BRD8: variants seen among roughly 807,000 people sequenced by gnomAD.
The protein encoded by BRD8 is bromodomain containing 8.
BRD8 carries 67 observed loss-of-function variants against 143.1 expected under a neutral mutation model. That is an observed-to-expected ratio of 0.47 (90% CI 0.38 to 0.57). The LOEUF is 0.57. Ranked by LOEUF, BRD8 falls within the 20% of genes least tolerant of loss-of-function variation. The pLI is 0.00. For synonymous variants in BRD8, 505 were observed against 517.1 expected (o/e 0.98, Z 0.32); for missense variants, 1,103 against 1,503.0 (o/e 0.73, Z 4.40).
chr5:138,171,936 A>T, intron 3 of BRD8, 129 bp downstream of exon 3: 1 of 764,126 alleles, frequency 1.3e-6, no homozygotes, highest in Non-Finnish European at 2.3e-6. Context: ...TAGGAAAAAG[A>T]AAAAGGTATT....
At chr5:138,168,604 C>T in intron 8 of BRD8, 1 of 1,606,364 alleles carries the variant, frequency 6.2e-7, no homozygotes, top group Non-Finnish European at 8.5e-7. Context: ...ATGGGGGCTT[C>T]TAAGGGTGCA....
At chr5:138,176,488 C>T (rs1754344991) in intron 2 of BRD8, among the ~76,000 whole-genome samples, 1 of 152,098 alleles carries the variant, frequency 6.6e-6, no homozygotes, top group South Asian at 2.1e-4. Flanking sequence ...GCACGATAAT[C>T]GCTTGAACCT....
intron 21 of BRD8, among the ~76,000 whole-genome samples, chr5:138,151,627 A>G (rs1286465470): frequency 6.6e-6 from 1 of 152,086 alleles, no homozygotes; most frequent in Non-Finnish European, 1.5e-5. Flanking sequence ...TGACTGAAGT[A>G]TTAGAAATTC....
At position 138,149,695 on chromosome 5, in the gene BRD8, T is replaced by C. The variant is rs763767847; in HGVS notation, c.3223A>G (p.Ile1075Val). The change falls in exon 23 of 27, where the codon ATT becomes GTT. Residue 1075 changes from isoleucine (I) to valine (V), a missense_variant. By Grantham distance (29) the Ile-to-Val change is conservative. Coordinates refer to ENST00000254900, the MANE Select transcript of BRD8 (RefSeq NM_139199.2). ...GTATCCACCAAGGGAGTCTCCTTAATGTTAAAGGCATCATCACACTCGCCT... is the reference window on the plus strand; with the variant it reads ...GTATCCACCAAGGGAGTCTCCTTAACGTTAAAGGCATCATCACACTCGCCT... The part of the protein sequence containing the change: ...PSGECDDAFN[I>V]KETPLVDTLF... 1.2e-6 allele frequency: 2 copies of C among 1,613,736 alleles called. No homozygotes were observed. Among genetic ancestry groups the C allele is most frequent in the East Asian group, 2.2e-5 (1 of 44,842 alleles).
intron 19 of BRD8, 27 bp downstream of exon 19, chr5:138,160,042 A>C (rs1427809531): frequency 1.3e-6 from 2 of 1,563,534 alleles, no homozygotes; most frequent in Non-Finnish European, 8.8e-7. Context: ...GAACACTGGC[A>C]CACAGGTTCC....
intron 2 of BRD8, chr5:138,177,355 C>T: frequency 3.2e-6 from 1 of 315,288 alleles, no homozygotes; most frequent in Non-Finnish European, 5.9e-6. Context: ...CATGGCGAAA[C>T]TCTGTCTCTA....
chr5:138,145,286 C>T, intron 24 of BRD8, 41 bp from the exon 25 acceptor site: 1 of 1,587,734 alleles, frequency 6.3e-7, no homozygotes, highest in Non-Finnish European at 8.6e-7. Flanking sequence ...GAAACCCTGG[C>T]AAGGCACTCT....
At chr5:138,166,768 G>C in intron 9 of BRD8, 41 bp from the exon 10 acceptor site, 1 of 1,265,160 alleles carries the variant, frequency 7.9e-7, no homozygotes, top group Non-Finnish European at 1.1e-6. Flanking sequence ...TAAGAAGAAA[G>C]CACATAAATA....
rs922749234 is a variant in BRD8 at position 138,160,167 on chromosome 5, A to G, written c.2434T>C (p.Leu812=). 6.2e-7 allele frequency: 1 copy of G among 1,613,848 alleles called. No individual in the cohort carries two copies. The highest frequency in any genetic ancestry group is 8.5e-7 in the Non-Finnish European group (1 of 1,179,714). ...RDVLEQIQQF[L]ATQLIMQTSE... is the part of the protein sequence containing the mutation. ...GTTTGCATAATCAACTGCGTGGCCA[A>G]GAATTGCTGTAGGGAGAAGAAACAG... is the stretch of plus-strand genomic sequence containing the variant. Residue 812 remains leucine, a synonymous_variant, in exon 19 of 27, where the codon TTG becomes CTG. Transcript: ENST00000254900.
rs537276461 is a variant in BRD8 at position 138,156,696 on chromosome 5, A to G, written c.2577+2859T>C. ...CCTGCGCAATGCAACACCTTAAGGT[A>G]TATTAACTATAAACTCAATTCTGGT... is the stretch of plus-strand genomic sequence containing the variant. On this transcript the variant is annotated intron_variant, in intron 20 of 26. Coordinates refer to ENST00000254900, the MANE Select transcript of BRD8 (RefSeq NM_139199.2). Among the ~76,000 whole-genome samples the G allele has an allele frequency of 1.7e-4, 26 of 152,296 alleles. 1 individual carries two copies. The East Asian group carries it at 4.2e-3, about 25-fold the overall frequency.
chr5:138,166,983 C>T (rs375940613), intron 9 of BRD8: 2 of 364,276 alleles, frequency 5.5e-6, no homozygotes, highest in Non-Finnish European at 1.0e-5. Flanking sequence ...CAGTGGCTCA[C>T]GCCTGTAATG....
At chr5:138,149,558 T>C (rs1752297742) in intron 23 of BRD8, 82 bp downstream of exon 23, 20 of 1,284,264 alleles carry the variant, frequency 1.6e-5, no homozygotes, top group Non-Finnish European at 2.0e-5. Context: ...CTTTAACTTA[T>C]AAAAGTAATC....
In BRD8 at chr5:138,173,405, A is replaced by G. The variant is rs1040550648; in HGVS notation, c.117-1271T>C. Among the ~76,000 whole-genome samples, 200 of 152,322 alleles carry G rather than the reference A, an allele frequency of 1.3e-3. 1 individual carries two copies. The highest frequency in any genetic ancestry group is 4.4e-3 in the African/African-American group (184 of 41,570). On this transcript the variant is annotated intron_variant, in intron 2 of 26. Transcript: ENST00000254900. The stretch of plus-strand genomic sequence containing the variant: ...ACAGTGAGACTCCATCTCAAAAAAA[A>G]AAAAAGATTCTTAACACTATTTATC...
chr5:138,161,432 C>T (rs950998995), intron 17 of BRD8, among the ~76,000 whole-genome samples: 2 of 152,124 alleles, frequency 1.3e-5, no homozygotes, highest in African/African-American at 2.4e-5. Flanking sequence ...CTTCCCACCT[C>T]AGCCTCCCAG....
In BRD8 at chr5:138,148,201, G is replaced by A. The variant is rs139708602; in HGVS notation, c.3278+1439C>T. 3.7e-3 allele frequency among the ~76,000 whole-genome samples: 558 copies of A among 150,650 alleles called. 3 individuals carry two copies. The highest frequency in any genetic ancestry group is 0.013 in the African/African-American group (530 of 41,184). Reference sequence around the variant, plus strand: ...AGAAAAAAAAAAGGGAAAAAAAAAGGGTCAGTGCATAAATCTCATAATGTT... The same window carrying A: ...AGAAAAAAAAAAGGGAAAAAAAAAGAGTCAGTGCATAAATCTCATAATGTT... On this transcript the variant is annotated intron_variant, in intron 23 of 26. Transcript: ENST00000254900.
In BRD8 at chr5:138,164,967, T is replaced by C. The variant is rs572513661; in HGVS notation, c.1478A>G (p.Lys493Arg). 4.3e-6 allele frequency: 7 copies of C among 1,614,186 alleles called. No individual in the cohort carries two copies. The African/African-American group carries it at 8.0e-5, about 18-fold the overall frequency. Reference sequence around the variant, plus strand: ...GATGTCCACCAGTTCATGTATTCCCTTGTTTTCCGTTTCCTCAAAGTCCAG... The same window carrying C: ...GATGTCCACCAGTTCATGTATTCCCCTGTTTTCCGTTTCCTCAAAGTCCAG... Reference protein sequence around the residue: ...ERLDFEETENKGIHELVDIRE... With the variant: ...ERLDFEETENRGIHELVDIRE... Residue 493 changes from lysine (K) to arginine (R), a missense_variant, in exon 12 of 27, where the codon AAG becomes AGG. Around this residue, in one of 7 missense-constraint regions of BRD8, gnomAD observed 139 missense variants for 139.0 expected, o/e 1.00. Coordinates refer to ENST00000254900, the MANE Select transcript of BRD8 (RefSeq NM_139199.2).
intron 2 of BRD8, among the ~76,000 whole-genome samples, chr5:138,176,521 C>T (rs1199400022): frequency 6.6e-6 from 1 of 152,106 alleles, no homozygotes; most frequent in Admixed American, 6.6e-5. Flanking sequence ...TTGCAGTGAG[C>T]CAAGATCTAA....
chr5:138,162,140 G>C lies in BRD8; in HGVS notation c.2094C>G (p.Val698=), dbSNP rs1753042610. 6.2e-7 allele frequency: 1 copy of C among 1,608,620 alleles called. No individual in the cohort carries two copies. Among genetic ancestry groups the C allele is most frequent in the East Asian group, 2.2e-5 (1 of 44,878 alleles). Residue 698 remains valine, a synonymous_variant, in exon 16 of 27, where the codon GTC becomes GTG. Coordinates refer to ENST00000254900, the MANE Select transcript of BRD8 (RefSeq NM_139199.2). ...GAATAGCTTCCTGATCCTCACTACAGACAGAGCTGAAACAGAGATACAGCA... is the reference window on the plus strand; with the variant it reads ...GAATAGCTTCCTGATCCTCACTACACACAGAGCTGAAACAGAGATACAGCA... The part of the protein sequence containing the change: ...PSSPASSQFS[V]CSEDQEAIQA...
In BRD8 at chr5:138,163,255, G is replaced by A. The variant is rs1414202292; in HGVS notation, c.1962C>T (p.Tyr654=). Reference sequence around the variant, plus strand: ...GAGGTTCATTATCCATTTCTGACAAGTAGCCTTCTCCTTGATCCTCTTCCT... The same window carrying A: ...GAGGTTCATTATCCATTTCTGACAAATAGCCTTCTCCTTGATCCTCTTCCT... The part of the protein sequence containing the change: ...EPKEEDQGEG[Y]LSEMDNEPPV... Residue 654 remains tyrosine, a synonymous_variant, in exon 15 of 27, where the codon TAC becomes TAT. Coordinates refer to ENST00000254900, the MANE Select transcript of BRD8 (RefSeq NM_139199.2). 2 of 1,614,112 alleles carry A rather than the reference G, an allele frequency of 1.2e-6. No homozygotes were observed. The highest frequency in any genetic ancestry group is 1.7e-6 in the Non-Finnish European group (2 of 1,180,026).
Sources: gnomAD v4.1 joint callset for allele counts (sites outside exome capture counted in the v4.1 genomes callset) on GRCh38, gnomAD v4.1.1 for gene constraint, gnomAD v4.1.1 regional missense constraint, MANE v1.5 for transcripts, NCBI Gene and HGNC (gene_info 2026-07-23, HGNC 2026-07-21) for gene names.